Variants in DAB1 observed in about 807,000 individuals in gnomAD.
DAB1 encodes the protein DAB adaptor protein 1.
DAB1 carries 15 observed loss-of-function variants against 64.6 expected under a neutral mutation model. That is an observed-to-expected ratio of 0.23 (90% CI 0.16 to 0.36). The LOEUF (loss-of-function observed/expected upper bound fraction) is 0.36, where lower values mean the gene tolerates loss of function less well. Ranked by LOEUF, DAB1 falls within the 10% of genes least tolerant of loss-of-function variation. The pLI is 1.00. For missense variants in DAB1, 596 were observed against 706.7 expected, an observed-to-expected ratio of 0.84 and a Z score of 1.78; for synonymous variants, 235 against 251.9, an observed-to-expected ratio of 0.93 and a Z score of 0.64.
chr1:57,784,265 G>T (rs770691952), intron 6 of DAB1, among the ~76,000 whole-genome samples: 5 of 152,098 alleles, frequency 3.3e-5, no homozygotes, highest in Non-Finnish European at 7.4e-5. Flanking sequence ...ATGGTGACAT[G>T]CACCTGTGGT....
At chr1:57,328,701 T>G (rs751040215) in intron 1 of DAB1, among the ~76,000 whole-genome samples, 13 of 152,200 alleles carry the variant, frequency 8.5e-5, no homozygotes, top group Non-Finnish European at 1.8e-4. Context: ...GTCTTTTGAC[T>G]AACTGTCCTT....
intron 4 of DAB1, among the ~76,000 whole-genome samples, chr1:58,259,337 G>A (rs1661000407): frequency 7.3e-6 from 1 of 137,630 alleles, no homozygotes; most frequent in Non-Finnish European, 1.7e-5. Flanking sequence ...GGGACATTCT[G>A]CCTGTACTTC....
At chr1:58,296,704 T>C (rs1352634969) in intron 4 of DAB1, among the ~76,000 whole-genome samples, 2 of 152,198 alleles carry the variant, frequency 1.3e-5, no homozygotes, top group Non-Finnish European at 2.9e-5. Context: ...CCCATATTTA[T>C]CATAACAGTT....
chr1:57,163,207 C>T (rs1049261435), intron 2 of DAB1, among the ~76,000 whole-genome samples: 1 of 152,102 alleles, frequency 6.6e-6, no homozygotes, highest in African/African-American at 2.4e-5. Context: ...AAATAATGAA[C>T]AAGATCATTC....
chr1:57,929,084 A>C (rs965010758), intron 5 of DAB1, among the ~76,000 whole-genome samples: 1 of 152,234 alleles, frequency 6.6e-6, no homozygotes, highest in Non-Finnish European at 1.5e-5. Context: ...TTGTTGTTGC[A>C]AATCCTCTCC....
chr1:57,708,464 G>C (rs1053648048), intron 6 of DAB1, among the ~76,000 whole-genome samples: 3 of 152,230 alleles, frequency 2.0e-5, no homozygotes, highest in African/African-American at 7.2e-5. Context: ...GTTGCACTGA[G>C]TTGCACTCAA....
chr1:58,370,564 T>C (rs1644257019), intron 3 of DAB1, among the ~76,000 whole-genome samples: 1 of 152,182 alleles, frequency 6.6e-6, no homozygotes. Context: ...TTTGCTTTTA[T>C]TTTCTAAGAG....
At chr1:57,644,137 G>A (rs1008494488) in intron 7 of DAB1, among the ~76,000 whole-genome samples, 1 of 152,154 alleles carries the variant, frequency 6.6e-6, no homozygotes, top group African/African-American at 2.4e-5. Flanking sequence ...TGGTGAAATG[G>A]AATGGTCAGA....
intron 1 of DAB1, among the ~76,000 whole-genome samples, chr1:57,292,530 C>T (rs138329678): frequency 1.1e-4 from 17 of 152,274 alleles, no homozygotes; most frequent in African/African-American, 3.8e-4. Context: ...TATACCTTGT[C>T]ACCAGCACCC....
At chr1:57,564,772 T>C (rs1204735857) in intron 7 of DAB1, among the ~76,000 whole-genome samples, 1 of 152,172 alleles carries the variant, frequency 6.6e-6, no homozygotes, top group South Asian at 2.1e-4. Flanking sequence ...TATGGGACTA[T>C]GTGTAAAGAC....
intron 5 of DAB1, among the ~76,000 whole-genome samples, chr1:58,008,295 T>A (rs1020051471): frequency 1.2e-4 from 19 of 152,156 alleles, no homozygotes; most frequent in African/African-American, 4.6e-4. Context: ...ACAGTTAAGG[T>A]GTATGGATCT....
intron 6 of DAB1, among the ~76,000 whole-genome samples, chr1:57,667,828 AG>A (rs1646466448): frequency 6.6e-6 from 1 of 152,082 alleles, no homozygotes; most frequent in African/African-American, 2.4e-5. Context: ...TTGAACAATG[AG>A]AACACATGGA....
intron 2 of DAB1, among the ~76,000 whole-genome samples, chr1:58,517,008 G>A (rs1348803828): frequency 6.6e-6 from 1 of 152,132 alleles, no homozygotes; most frequent in Non-Finnish European, 1.5e-5. Context: ...ACAATGGCAA[G>A]AAGTCAAGGG....
chr1:58,458,204 G>C (rs1645209493), intron 3 of DAB1, among the ~76,000 whole-genome samples: 1 of 152,164 alleles, frequency 6.6e-6, no homozygotes, highest in Non-Finnish European at 1.5e-5. Flanking sequence ...CATTTCAAAT[G>C]CTCAATAGCC....
chr1:58,249,153 G>T (rs1324307646), intron 4 of DAB1, among the ~76,000 whole-genome samples: 1 of 151,970 alleles, frequency 6.6e-6, no homozygotes, highest in African/African-American at 2.4e-5. Flanking sequence ...GCTGCCAAGG[G>T]TTAATTTTCT....
chr1:57,247,193 A>G (rs1668950395), intron 2 of DAB1, among the ~76,000 whole-genome samples: 1 of 152,184 alleles, frequency 6.6e-6, no homozygotes, highest in Non-Finnish European at 1.5e-5. Flanking sequence ...CTCAAATCTC[A>G]TGTCAAATTG....
intron 1 of DAB1, among the ~76,000 whole-genome samples, chr1:57,861,303 C>A (rs1459025072): frequency 2.0e-5 from 3 of 152,128 alleles, no homozygotes; most frequent in Non-Finnish European, 2.9e-5. Flanking sequence ...AAATATATTT[C>A]TTACAGTTCA....
intron 1 of DAB1, among the ~76,000 whole-genome samples, chr1:57,854,390 C>T (rs1653664158): frequency 6.6e-6 from 1 of 152,152 alleles, no homozygotes; most frequent in Non-Finnish European, 1.5e-5. Flanking sequence ...GTGTGAATGT[C>T]ACCATTGTGA....
rs1557547106 is a variant in DAB1, at chr1:57,015,361, G to A, written c.966C>T (p.Val322=). The A allele has an allele frequency of 1.2e-6, 2 of 1,614,042 alleles. No homozygotes were observed. Among genetic ancestry groups the A allele is most frequent in the East Asian group, 4.5e-5 (2 of 44,878 alleles). Residue 322 remains valine (V), a synonymous_variant, in exon 12 of 15, where the codon GTC becomes GTT. Coordinates refer to ENST00000371236, the MANE Select transcript of DAB1 (RefSeq NM_001365792.1). ...GQQPLVQQQM[V]MGAQPPVAQV... ...GAGCGACTGGTGGCTGGGCACCCAT[G>A]ACCATCTGCTGTTGGACGAGGGGCT...
Sources: allele counts gnomAD v4.1 joint callset (sites outside exome capture counted in the v4.1 genomes callset), GRCh38; gene constraint gnomAD v4.1.1; transcripts MANE v1.5; gene names NCBI Gene and HGNC (gene_info 2026-07-23, HGNC 2026-07-21).